The following PLA2G7 variants were observed in gnomAD, a reference collection of about 807,000 sequenced individuals.
The protein encoded by PLA2G7 is phospholipase A2 group VII.
In PLA2G7, 63 loss-of-function variants were observed where a neutral mutation model predicts 49.6. The observed-to-expected ratio is 1.27, with a 90% CI of 1.04 to 1.57. The LOEUF (loss-of-function observed/expected upper bound fraction) is 1.57, where lower values mean the gene tolerates loss of function less well. Among genes scored for constraint, PLA2G7 ranks in the 40% most tolerant of loss-of-function variants. The pLI, the probability that PLA2G7 is intolerant of heterozygous loss-of-function variation, is 0.00. For missense variants in PLA2G7, 596 were observed against 521.2 expected (o/e 1.14, Z -1.40); for synonymous variants, 193 against 169.9 (o/e 1.14, Z -1.06).
At chr6:46,708,299 A>T (rs1347477423) in intron 9 of PLA2G7, 138 bp from the exon 10 acceptor site, 14 of 727,426 alleles carry the variant, frequency 1.9e-5, no homozygotes, top group Non-Finnish European at 3.0e-5. Context: ...ATAAAGAGGT[A>T]TCATACTTCA....
At chr6:46,724,015 T>C (rs1224634452) in intron 1 of PLA2G7, among the ~76,000 whole-genome samples, 1 of 152,192 alleles carries the variant, frequency 6.6e-6, no homozygotes, top group Non-Finnish European at 1.5e-5. Flanking sequence ...TTTGAGGGCT[T>C]TGAATGTGTT....
intron 10 of PLA2G7, 61 bp from the exon 11 acceptor site, chr6:46,705,362 T>TA (rs1229232005): frequency 7.2e-7 from 1 of 1,393,608 alleles, no homozygotes; most frequent in East Asian, 2.4e-5. Context: ...TTTTTTTAGT[T>TA]AGAGTGTAAG....
chr6:46,722,917 C>T lies in PLA2G7; in HGVS notation c.-26G>A, dbSNP rs771456893. 11 of 1,306,446 alleles carry T rather than the reference C, an allele frequency of 8.4e-6. No individual in the cohort carries two copies. The highest frequency in any genetic ancestry group is 7.3e-5 in the African/African-American group (5 of 68,926). The allele number at this position is 1,306,446 out of a possible 1,614,324, so 80.9% of individuals were successfully genotyped here. A position where few individuals can be genotyped will look rare whatever the true frequency, so the allele number is the denominator to read the frequency against. ...CTTGGGAGCTGAGCAGCAGTTTCAG[C>T]TTAGTCTCCTTCGAAGCAGATGATT... On this transcript the variant is annotated 5_prime_UTR_variant, in exon 2 of 12. Coordinates refer to ENST00000274793, the MANE Select transcript of PLA2G7 (RefSeq NM_005084.4).
chr6:46,716,522 A>T lies in PLA2G7; in HGVS notation c.238T>A (p.Phe80Ile). The T allele has an allele frequency of 6.2e-7, 1 of 1,613,730 alleles. No individual in the cohort carries two copies. The highest frequency in any genetic ancestry group is 8.5e-7 in the Non-Finnish European group (1 of 1,179,670). Residue 80 changes from phenylalanine to isoleucine, a missense_variant, in exon 4 of 12, where the codon TTC becomes ATC. By Grantham distance (21) the Phe-to-Ile change is conservative. Transcript: ENST00000274793. Reference sequence around the variant, plus strand: ...TGGGATGGATAATATAAACGCAAGAAGGTGCCCTGTTAAGAAAGAAATTAA... The same window carrying T: ...TGGGATGGATAATATAAACGCAAGATGGTGCCCTGTTAAGAAAGAAATTAA... The part of the protein sequence containing the change: ...LMFDHTNKGT[F>I]LRLYYPSQDN...
chr6:46,705,229 T>G lies in PLA2G7; in HGVS notation c.1113A>C (p.Leu371Phe), dbSNP rs2150689622. Residue 371 changes from leucine to phenylalanine, a missense_variant, in exon 11 of 12, where the codon TTA (leucine) becomes TTC (phenylalanine). Coordinates refer to ENST00000274793, the MANE Select transcript of PLA2G7 (RefSeq NM_005084.4). ...TGKIIGHMLK[L>F]KGDIDSNVAI... ...CTACATTTGAATCTATGTCTCCCTT[T>G]AATTTGAGCATGTGTCCAATTATTT... 1 of 1,609,466 alleles carries G rather than the reference T, an allele frequency of 6.2e-7. No homozygotes were observed. Among genetic ancestry groups the G allele is most frequent in the Non-Finnish European group, 8.5e-7 (1 of 1,175,988 alleles).
chr6:46,716,677 A>G, intron 3 of PLA2G7, 149 bp from the exon 4 acceptor site: 1 of 753,118 alleles, frequency 1.3e-6, no homozygotes. Flanking sequence ...GTGGTGATTG[A>G]AGATAGTCAT....
chr6:46,712,595 C>T (rs1422781372), intron 5 of PLA2G7, among the ~76,000 whole-genome samples: 1 of 152,148 alleles, frequency 6.6e-6, no homozygotes, highest in Non-Finnish European at 1.5e-5. Context: ...TGTCAAGCAT[C>T]CTACAATGCA....
At position 46,716,453 on chromosome 6, in the gene PLA2G7, A is replaced by G. The variant is rs1415083021; in HGVS notation, c.307T>C (p.Tyr103His). The part of the protein sequence containing the change: ...LDTLWIPNKE[Y>H]FWGLSKFLGT... ...AGAAATTTGCTAAGACCCCAAAAAT[A>G]TTCTTTATTTGGGATCCAAAGGGTG... The change falls in exon 4 of 12, where the codon TAT becomes CAT. Residue 103 changes from tyrosine (Y) to histidine (H), a missense_variant. Coordinates refer to ENST00000274793, the MANE Select transcript of PLA2G7 (RefSeq NM_005084.4). 2.5e-6 allele frequency: 4 copies of G among 1,613,960 alleles called. No individual in the cohort carries two copies. Among genetic ancestry groups the G allele is most frequent in the Non-Finnish European group, 3.4e-6 (4 of 1,179,944 alleles).
chr6:46,709,988 G>A (rs1184599353), intron 8 of PLA2G7, among the ~76,000 whole-genome samples: 1 of 152,158 alleles, frequency 6.6e-6, no homozygotes, highest in Non-Finnish European at 1.5e-5. Flanking sequence ...TTAGGCAAGG[G>A]GAAGGGTGTG....
At chr6:46,709,192 T>C in intron 9 of PLA2G7, 135 bp downstream of exon 9, 1 of 639,302 alleles carries the variant, frequency 1.6e-6, no homozygotes, top group South Asian at 1.8e-5. Flanking sequence ...GAGTATTTTA[T>C]GGGGGCAAAA....
At position 46,716,986 on chromosome 6, in the gene PLA2G7, G is replaced by A. The variant is rs1458766640; in HGVS notation, c.220C>T (p.His74Tyr). 1.9e-6 allele frequency: 3 copies of A among 1,613,402 alleles called. No individual in the cohort carries two copies. Among genetic ancestry groups the A allele is most frequent in the Non-Finnish European group, 2.5e-6 (3 of 1,179,358 alleles). The change falls in exon 3 of 12, where the codon CAC becomes TAC. Residue 74 changes from histidine (H) to tyrosine (Y), a missense_variant. By Grantham distance (83) the His-to-Tyr change is moderately conservative. Coordinates refer to ENST00000274793, the MANE Select transcript of PLA2G7 (RefSeq NM_005084.4). ...SVGCTDLMFD[H>Y]TNKGTFLRLY... ...AATCAAAGCATTACCTTATTAGTGT[G>A]ATCAAACATTAAGTCTGTACAACCA...
At chr6:46,730,725 A>T (rs1477409180) in intron 1 of PLA2G7, among the ~76,000 whole-genome samples, 2 of 152,164 alleles carry the variant, frequency 1.3e-5, no homozygotes, top group African/African-American at 4.8e-5. Context: ...ATATCCACTG[A>T]TTTTTAAAGG....
At chr6:46,717,210 T>C in intron 2 of PLA2G7, 114 bp from the exon 3 acceptor site, 1 of 943,416 alleles carries the variant, frequency 1.1e-6, no homozygotes, top group Non-Finnish European at 1.7e-6. Context: ...CCTTCTTTCT[T>C]TCTCAACCTA....
intron 1 of PLA2G7, among the ~76,000 whole-genome samples, chr6:46,724,728 C>T (rs1020482154): frequency 6.6e-6 from 1 of 152,182 alleles, no homozygotes; most frequent in Non-Finnish European, 1.5e-5. Context: ...AAGTGAAAGA[C>T]GCCTGGATAC....
intron 2 of PLA2G7, 37 bp downstream of exon 2, chr6:46,722,746 T>G: frequency 1.6e-6 from 2 of 1,217,290 alleles, no homozygotes; most frequent in Non-Finnish European, 2.4e-6. Flanking sequence ...TGGCGACAGA[T>G]CAGTTGCTCA....
intron 10 of PLA2G7, among the ~76,000 whole-genome samples, chr6:46,707,715 C>T (rs146734476): frequency 5.9e-5 from 9 of 152,164 alleles, no homozygotes; most frequent in African/African-American, 2.2e-4. Flanking sequence ...CCAATGAAAC[C>T]TCTTTTCTTT....
At chr6:46,719,266 G>A (rs753019675) in intron 2 of PLA2G7, among the ~76,000 whole-genome samples, 3 of 152,160 alleles carry the variant, frequency 2.0e-5, no homozygotes, top group Admixed American at 6.5e-5. Context: ...TGAGTCATGG[G>A]AAGAAACCAA....
At chr6:46,719,166 G>A (rs571317258) in intron 2 of PLA2G7, among the ~76,000 whole-genome samples, 1 of 152,284 alleles carries the variant, frequency 6.6e-6, no homozygotes, top group South Asian at 2.1e-4. Flanking sequence ...TGGATGGTGG[G>A]AGTTGATTAC....
At chr6:46,707,488 C>T (rs1256523595) in intron 10 of PLA2G7, among the ~76,000 whole-genome samples, 1 of 152,102 alleles carries the variant, frequency 6.6e-6, no homozygotes. Flanking sequence ...TCACACCATC[C>T]CCCTTGGTGC....
Sources: gnomAD v4.1 joint callset for allele counts (sites outside exome capture counted in the v4.1 genomes callset) on GRCh38, gnomAD v4.1.1 for gene constraint, MANE v1.5 for transcripts, NCBI Gene and HGNC (gene_info 2026-07-23, HGNC 2026-07-21) for gene names.